The following UBE2E1 variants were observed in gnomAD, a reference collection of about 807,000 sequenced individuals.
UBE2E1 encodes the protein ubiquitin conjugating enzyme E2 E1, also known as ubiquitin-conjugating enzyme E2 E1.
UBE2E1 carries 6 observed loss-of-function variants against 21.4 expected under a neutral mutation model. That is an observed-to-expected ratio of 0.28 (90% CI 0.15 to 0.55). The LOEUF (loss-of-function observed/expected upper bound fraction) is 0.55. Among genes scored for constraint, UBE2E1 ranks in the 20% least tolerant of loss-of-function variants. UBE2E1 has a pLI of 0.93. For missense variants in UBE2E1, 142 were observed against 236.5 expected (o/e 0.60, Z 2.62); for synonymous variants, 87 against 82.7 (o/e 1.05, Z -0.28).
intron 3 of UBE2E1, among the ~76,000 whole-genome samples, chr3:23,825,185 T>A (rs1699728983): frequency 6.6e-6 from 1 of 152,224 alleles, no homozygotes; most frequent in South Asian, 2.1e-4. Flanking sequence ...GCCTGCATGG[T>A]TGTCAGTGAC....
chr3:23,846,722 A>G (rs1403632652), intron 3 of UBE2E1, among the ~76,000 whole-genome samples: 1 of 132,692 alleles, frequency 7.5e-6, no homozygotes, highest in Non-Finnish European at 1.6e-5. Context: ...AAAAAAAGGG[A>G]ATGGGTAATA....
rs1699365875 is a variant in UBE2E1, at chr3:23,810,586, T to G, written c.153-874T>G. On this transcript the variant is annotated intron_variant, in intron 2 of 5. Coordinates refer to ENST00000306627, the MANE Select transcript of UBE2E1 (RefSeq NM_003341.5). The surrounding 1 kb of genome is among the most constrained non-coding windows in gnomAD (Gnocchi z 5.8). ...CGTGCGGGGCGGAGGCAGGGTCCGG[T>G]GCACCTGTGCGGCCGCGGGCCGGCC... The G allele has an allele frequency of 6.8e-7, 1 of 1,477,500 alleles. No homozygotes were observed. The highest frequency in any genetic ancestry group is 9.0e-7 in the Non-Finnish European group (1 of 1,109,092). The allele number at this position is 1,477,500 out of a possible 1,614,324, so 91.5% of individuals were successfully genotyped here.
chr3:23,843,757 G>C (rs375572838), intron 3 of UBE2E1, among the ~76,000 whole-genome samples: 1 of 152,110 alleles, frequency 6.6e-6, no homozygotes, highest in Non-Finnish European at 1.5e-5. Context: ...ATGACCCTCA[G>C]ATGTATTCTA....
rs1699507502 is a variant in UBE2E1 at position 23,815,981 on chromosome 3, G to A, written c.203+4471G>A. ...CACGATCAAAACAGCACCCATACTA[G>A]GGTCAGGCTGTTGGGAATTAGATCA... On this transcript the variant is annotated intron_variant, in intron 3 of 5. Transcript: ENST00000306627. Among the ~76,000 whole-genome samples the A allele has an allele frequency of 4.6e-5, 7 of 152,208 alleles. No homozygotes were observed. The South Asian group carries it at 1.4e-3, about 31-fold the overall frequency.
At chr3:23,819,174 C>T (rs951167976) in intron 3 of UBE2E1, among the ~76,000 whole-genome samples, 3 of 152,086 alleles carry the variant, frequency 2.0e-5, no homozygotes, top group Non-Finnish European at 4.4e-5. Context: ...GTCCCAGCTA[C>T]TCAGGAGGCT....
At chr3:23,879,785 C>T (rs1432619710) in intron 3 of UBE2E1, among the ~76,000 whole-genome samples, 1 of 152,236 alleles carries the variant, frequency 6.6e-6, no homozygotes, top group Non-Finnish European at 1.5e-5. Context: ...CCTATCTTCC[C>T]AGCCTCTCAT....
intron 3 of UBE2E1, among the ~76,000 whole-genome samples, chr3:23,815,761 C>T (rs375789260): frequency 1.3e-5 from 2 of 152,242 alleles, no homozygotes; most frequent in East Asian, 1.9e-4. Context: ...CTTTATAAAA[C>T]CCTGTATCTT....
intron 3 of UBE2E1, among the ~76,000 whole-genome samples, chr3:23,814,323 A>C (rs569971925): frequency 6.6e-6 from 1 of 152,366 alleles, no homozygotes; most frequent in South Asian, 2.1e-4. Context: ...GAAAACATAA[A>C]ATTAAATTCT....
In UBE2E1 at chr3:23,816,011, T is replaced by C. The variant is rs1228249065; in HGVS notation, c.203+4501T>C. ...AGGCTGTTGGGAATTAGATCATCAC[T>C]GGGGCCTTTCCTATTAGAGAGGAAA... is the stretch of plus-strand genomic sequence containing the variant. On this transcript the variant is annotated intron_variant, in intron 3 of 5. Coordinates refer to ENST00000306627, the MANE Select transcript of UBE2E1 (RefSeq NM_003341.5). This position sits in a 1 kb window ranked among gnomAD's most constrained non-coding sequence, Gnocchi z 4.8. Among the ~76,000 whole-genome samples, 4 of 152,210 alleles carry C rather than the reference T, an allele frequency of 2.6e-5. No individual in the cohort carries two copies. The highest frequency in any genetic ancestry group is 4.8e-5 in the African/African-American group (2 of 41,452).
chr3:23,847,302 A>C (rs531586193), intron 3 of UBE2E1, among the ~76,000 whole-genome samples: 1 of 152,172 alleles, frequency 6.6e-6, no homozygotes, highest in Non-Finnish European at 1.5e-5. Context: ...GAAGACATCC[A>C]TTAATGTCAT....
chr3:23,851,179 C>T (rs1175943642), intron 3 of UBE2E1, among the ~76,000 whole-genome samples: 1 of 152,128 alleles, frequency 6.6e-6, no homozygotes, highest in Admixed American at 6.5e-5. Context: ...ATTTGGCACT[C>T]TTGTCAAAAA....
intron 2 of UBE2E1, among the ~76,000 whole-genome samples, chr3:23,809,766 G>A (rs1374304253): frequency 6.6e-6 from 1 of 152,198 alleles, no homozygotes; most frequent in Non-Finnish European, 1.5e-5. Flanking sequence ...TTGCCTACGT[G>A]TGTAGGTCTT....
chr3:23,814,441 G>A (rs749901516), intron 3 of UBE2E1, among the ~76,000 whole-genome samples: 1 of 152,070 alleles, frequency 6.6e-6, no homozygotes, highest in Non-Finnish European at 1.5e-5. Context: ...ACTGCTTTAT[G>A]TTGCCATAGA....
At chr3:23,864,053 A>G (rs1700605441) in intron 3 of UBE2E1, among the ~76,000 whole-genome samples, 1 of 152,172 alleles carries the variant, frequency 6.6e-6, no homozygotes, top group Non-Finnish European at 1.5e-5. Flanking sequence ...ACTTCCTGAA[A>G]AAGGATTCTT....
intron 3 of UBE2E1, among the ~76,000 whole-genome samples, chr3:23,869,351 CTTTTTTT>C (rs58059005): frequency 1.7e-5 from 2 of 114,620 alleles, no homozygotes; most frequent in African/African-American, 8.4e-5. Context: ...TTATGGTATC[CTTTTTTT>C]TTTTTTTTTT....
intron 3 of UBE2E1, among the ~76,000 whole-genome samples, chr3:23,881,092 C>T (rs1328091005): frequency 6.6e-6 from 1 of 152,126 alleles, no homozygotes; most frequent in African/African-American, 2.4e-5. Flanking sequence ...TTGTTAATTG[C>T]GTTTATTCAA....
rs1700603384 is a variant in UBE2E1, at chr3:23,863,909, T to C, written c.204-23658T>C. On this transcript the variant is annotated intron_variant, in intron 3 of 5. Coordinates refer to ENST00000306627, the MANE Select transcript of UBE2E1 (RefSeq NM_003341.5). The surrounding 1 kb of genome is among the most constrained non-coding windows in gnomAD (Gnocchi z 4.3). ...GTTTTAACAGGCTACCTGCTAACTC[T>C]GTTTATAGCTGTCATACCGGATTCT... is the stretch of plus-strand genomic sequence containing the variant. 6.6e-6 allele frequency among the ~76,000 whole-genome samples: 1 copy of C among 152,216 alleles called. No homozygotes were observed. Among genetic ancestry groups the C allele is most frequent in the Non-Finnish European group, 1.5e-5 (1 of 68,040 alleles).
chr3:23,821,849 G>T (rs1699652932), intron 3 of UBE2E1, among the ~76,000 whole-genome samples: 2 of 152,160 alleles, frequency 1.3e-5, no homozygotes, highest in Non-Finnish European at 1.5e-5. Context: ...CTGTTCCCAT[G>T]AGGCATCCAA....
chr3:23,832,736 A>G (rs1223039424), intron 3 of UBE2E1, among the ~76,000 whole-genome samples: 1 of 152,154 alleles, frequency 6.6e-6, no homozygotes, highest in Non-Finnish European at 1.5e-5. Context: ...CTTTGTCTCA[A>G]AAAAAGAAAA....
Sources: allele counts gnomAD v4.1 joint callset (sites outside exome capture counted in the v4.1 genomes callset), GRCh38; gene constraint gnomAD v4.1.1; non-coding constraint Gnocchi (gnomAD v3.1); transcripts MANE v1.5; gene names NCBI Gene and HGNC (gene_info 2026-07-23, HGNC 2026-07-21).